Variants in DNAI3 observed in about 807,000 individuals in gnomAD.
The protein encoded by DNAI3 is dynein axonemal intermediate chain 3.
A neutral mutation model predicts 115.5 loss-of-function variants in DNAI3; 83 were observed. The ratio of observed to expected loss-of-function variants is 0.72; its 90% CI spans 0.60 to 0.86. The LOEUF (loss-of-function observed/expected upper bound fraction) is 0.86, where lower values mean the gene tolerates loss of function less well. Ranked by LOEUF, DNAI3 falls within the 40% of genes least tolerant of loss-of-function variation. The pLI, the probability that DNAI3 is intolerant of heterozygous loss-of-function variation, is 0.00. For missense variants in DNAI3, 1,004 were observed against 1,075.8 expected (o/e 0.93, Z 0.93); for synonymous variants, 320 against 347.0 (o/e 0.92, Z 0.86).
chr1:85,089,196 G>A (rs192617437), intron 7 of DNAI3, among the ~76,000 whole-genome samples: 1 of 152,016 alleles, frequency 6.6e-6, no homozygotes, highest in Admixed American at 6.6e-5. Context: ...ATGACACTAT[G>A]AACTAGCTAC....
At chr1:85,089,452 A>G (rs1654902302) in intron 7 of DNAI3, among the ~76,000 whole-genome samples, 1 of 146,774 alleles carries the variant, frequency 6.8e-6, no homozygotes. Flanking sequence ...AGGTGTTCAC[A>G]TACAGAGGCC....
chr1:85,082,656 G>A (rs1338442109), intron 5 of DNAI3, among the ~76,000 whole-genome samples: 1 of 152,116 alleles, frequency 6.6e-6, no homozygotes, highest in East Asian at 1.9e-4. Context: ...TGTTGCCCAG[G>A]CTGGGCAATT....
chr1:85,085,012 A>C (rs817600), intron 6 of DNAI3, among the ~76,000 whole-genome samples: 1 of 152,166 alleles, frequency 6.6e-6, no homozygotes, highest in Admixed American at 6.5e-5. Flanking sequence ...AATCCAATAC[A>C]ACTGGTGTCC....
In DNAI3 at chr1:85,129,991, TG is replaced by T; in HGVS notation, c.2413del (p.Ala805GlnfsTer17). On this transcript the variant is annotated frameshift_variant and splice_region_variant, in exon 22 of 23. Transcript: ENST00000294664. LOFTEE classifies it high-confidence loss of function. Reference sequence around the variant, plus strand: ...CTCATGGACTTCTGTTTCTAACAGATGGCAAGTGTCAACCACTATTTTGAAA... The same window carrying T: ...CTCATGGACTTCTGTTTCTAACAGATGCAAGTGTCAACCACTATTTTGAAA... ...WTLSRPSTNE[M>X]ASVNHYFERE... 6.2e-7 allele frequency: 1 copy of T among 1,611,702 alleles called. No individual in the cohort carries two copies.
At chr1:85,131,444 C>CA (rs750127280) in intron 22 of DNAI3, among the ~76,000 whole-genome samples, 1,020 of 16,262 alleles carry the variant, frequency 0.063, 33 homozygotes, top group African/African-American at 0.15. Flanking sequence ...AACTCCATCT[C>CA]AAAAAAAAAA....
chr1:85,099,895 G>T (rs2100587960), intron 13 of DNAI3, among the ~76,000 whole-genome samples: 1 of 152,208 alleles, frequency 6.6e-6, no homozygotes, highest in East Asian at 1.9e-4. Context: ...TTAATAAATG[G>T]TGCTGGGAAA....
intron 9 of DNAI3, 156 bp from the exon 10 acceptor site, chr1:85,094,275 G>A: frequency 1.1e-6 from 1 of 944,534 alleles, no homozygotes; most frequent in African/African-American, 1.6e-5. Flanking sequence ...CATGTAACTA[G>A]TGGCAACCAC....
chr1:85,125,061 G>C (rs905167505), intron 19 of DNAI3, among the ~76,000 whole-genome samples: 4 of 152,106 alleles, frequency 2.6e-5, no homozygotes, highest in Non-Finnish European at 4.4e-5. Context: ...AGGATTAGGA[G>C]AGGGGCTGGA....
At chr1:85,090,082 A>C in intron 7 of DNAI3, 34 bp from the exon 8 acceptor site, 3 of 1,221,272 alleles carry the variant, frequency 2.5e-6, no homozygotes, top group Non-Finnish European at 3.4e-6. Context: ...CTTTGACCTA[A>C]TCTTTAGTAT....
intron 7 of DNAI3, among the ~76,000 whole-genome samples, chr1:85,087,434 C>CAAAAAAAAAAA (rs1162431713): frequency 4.3e-5 from 2 of 46,658 alleles, no homozygotes; most frequent in African/African-American, 1.7e-4. Context: ...GACTCCATCT[C>CAAAAAAAAAAA]AAAAAAAAAA....
intron 17 of DNAI3, among the ~76,000 whole-genome samples, chr1:85,120,197 G>T (rs1460398898): frequency 2.6e-5 from 4 of 152,218 alleles, no homozygotes; most frequent in African/African-American, 7.2e-5. Context: ...CCATTGGAAG[G>T]TTCTACCAAC....
intron 11 of DNAI3, among the ~76,000 whole-genome samples, 161 bp from the exon 12 acceptor site, chr1:85,097,408 T>A (rs1557716370): frequency 6.6e-6 from 1 of 152,232 alleles, no homozygotes; most frequent in Non-Finnish European, 1.5e-5. Context: ...ATTCTTTTTA[T>A]ATTAGCTTTA....
intron 14 of DNAI3, among the ~76,000 whole-genome samples, chr1:85,106,127 T>C (rs984740299): frequency 1.3e-5 from 2 of 152,140 alleles, no homozygotes; most frequent in Admixed American, 1.3e-4. Flanking sequence ...GTACTTCTTG[T>C]CTTGTTGGGT....
chr1:85,079,162 A>G (rs1654550312), intron 3 of DNAI3, among the ~76,000 whole-genome samples: 1 of 152,244 alleles, frequency 6.6e-6, no homozygotes, highest in South Asian at 2.1e-4. Flanking sequence ...ATTCAACACT[A>G]CAAATGCAGT....
intron 10 of DNAI3, among the ~76,000 whole-genome samples, chr1:85,094,962 G>A (rs1655083066): frequency 6.6e-6 from 1 of 152,176 alleles, no homozygotes; most frequent in South Asian, 2.1e-4. Context: ...CTGCGGCCTT[G>A]GAGAGTGCAT....
intron 22 of DNAI3, among the ~76,000 whole-genome samples, chr1:85,132,498 G>A (rs1230648722): frequency 1.3e-5 from 2 of 152,192 alleles, no homozygotes; most frequent in African/African-American, 2.4e-5. Context: ...TGATCCACAA[G>A]CTATGCCATC....
At chr1:85,113,480 A>T (rs1655717978) in intron 16 of DNAI3, among the ~76,000 whole-genome samples, 1 of 152,148 alleles carries the variant, frequency 6.6e-6, no homozygotes, top group Non-Finnish European at 1.5e-5. Flanking sequence ...TTTCTACTGA[A>T]CTGCTTTGCA....
Position 85,096,012 on chromosome 1 carries a change from A to G in DNAI3, c.1255A>G (p.Asn419Asp). ...DPNIIAGGCI[N>D]GQIVMWDITA... ...TAATATCATTGCTGGAGGCTGTATCAATGGGCAGGTACTTAACAGAATTTT... is the reference window on the plus strand; with the variant it reads ...TAATATCATTGCTGGAGGCTGTATCGATGGGCAGGTACTTAACAGAATTTT... The change falls in exon 11 of 23, where the codon AAT (asparagine) becomes GAT (aspartate). Residue 419 changes from asparagine to aspartate, a missense_variant. This residue lies in a region of DNAI3 where 550 missense variants were observed against 568.1 expected (regional missense o/e 0.97). Coordinates refer to ENST00000294664, the MANE Select transcript of DNAI3 (RefSeq NM_145172.5). The G allele has an allele frequency of 6.2e-7, 1 of 1,613,748 alleles. No homozygotes were observed. The highest frequency in any genetic ancestry group is 8.5e-7 in the Non-Finnish European group (1 of 1,179,776).
Position 85,130,020 on chromosome 1 carries a change from G to A in DNAI3, c.2440G>A (p.Glu814Lys). ...AAGTGTCAACCACTATTTTGAAAGA[G>A]AAGTCAAGCATCTGGAATACGTAGA... is the stretch of plus-strand genomic sequence containing the variant. ...MASVNHYFER[E>K]VKHLEYVEQR... is the part of the protein sequence containing the mutation. The change falls in exon 22 of 23, where the codon GAA (glutamate) becomes AAA (lysine). Residue 814 changes from glutamate (E) to lysine (K), a missense_variant. Around this residue, in one of 3 missense-constraint regions of DNAI3, gnomAD observed 429 missense variants for 454.3 expected, o/e 0.94. Transcript: ENST00000294664. The A allele has an allele frequency of 6.2e-7, 1 of 1,612,858 alleles. No homozygotes were observed. The highest frequency in any genetic ancestry group is 8.5e-7 in the Non-Finnish European group (1 of 1,179,504).
Sources: gnomAD v4.1 joint callset for allele counts (sites outside exome capture counted in the v4.1 genomes callset) on GRCh38, gnomAD v4.1.1 for gene constraint, gnomAD v4.1.1 regional missense constraint, MANE v1.5 for transcripts, NCBI Gene and HGNC (gene_info 2026-07-23, HGNC 2026-07-21) for gene names.